Variants in NDST3 observed in about 807,000 individuals in gnomAD.
NDST3 encodes N-deacetylase and N-sulfotransferase 3, also known as bifunctional heparan sulfate N-deacetylase/N-sulfotransferase 3.
NDST3 carries 58 observed loss-of-function variants against 96.1 expected under a neutral mutation model. That is an observed-to-expected ratio of 0.60 (90% CI 0.49 to 0.75). The LOEUF (loss-of-function observed/expected upper bound fraction) is 0.75. NDST3 is among the 30% of genes least tolerant of loss of function. The pLI is 0.00. For synonymous variants in NDST3, 333 were observed against 359.7 expected, an observed-to-expected ratio of 0.93 and a Z score of 0.84; for missense variants, 788 against 1,034.2, an observed-to-expected ratio of 0.76 and a Z score of 3.27.
At chr4:118,109,641 T>C (rs144092410) in intron 3 of NDST3, among the ~76,000 whole-genome samples, 2 of 152,306 alleles carry the variant, frequency 1.3e-5, no homozygotes, top group African/African-American at 4.8e-5. Context: ...TTAGCCAGGG[T>C]TGTCTAAGAC....
intron 2 of NDST3, among the ~76,000 whole-genome samples, chr4:118,079,495 G>A (rs987678947): frequency 7.2e-5 from 11 of 152,174 alleles, no homozygotes; most frequent in African/African-American, 2.7e-4. Flanking sequence ...TATGAAACAA[G>A]CCTGGTGTAA....
chr4:118,047,928 A>G lies in NDST3; in HGVS notation c.-155-5828A>G, dbSNP rs976616876. 3.4e-4 allele frequency among the ~76,000 whole-genome samples: 52 copies of G among 152,196 alleles called. 1 individual carries two copies. Among genetic ancestry groups the G allele is most frequent in the African/African-American group, 1.3e-3 (52 of 41,448 alleles). ...ACCATCCTTAAGGCACACAGTCATCAGATTCACCAAGGTCAATGCAAAAGA... is the reference window on the plus strand; with the variant it reads ...ACCATCCTTAAGGCACACAGTCATCGGATTCACCAAGGTCAATGCAAAAGA... On this transcript the variant is annotated intron_variant, in intron 1 of 13. Transcript: ENST00000296499.
intron 2 of NDST3, among the ~76,000 whole-genome samples, chr4:118,061,114 A>C (rs1279489920): frequency 6.6e-6 from 1 of 152,026 alleles, no homozygotes; most frequent in East Asian, 1.9e-4. Context: ...CAGTGTCTTT[A>C]TCTCTGCTAC....
chr4:118,069,813 C>CCAAT (rs10656718), intron 2 of NDST3, among the ~76,000 whole-genome samples: 114,127 of 151,662 alleles, frequency 0.75, 45,579 homozygotes, highest in South Asian at 0.92. Context: ...TTGTTTTTGA[C>CCAAT]CAGTTATTAT....
chr4:118,214,715 A>G (rs1172966507), intron 6 of NDST3, among the ~76,000 whole-genome samples: 2 of 152,150 alleles, frequency 1.3e-5, no homozygotes, highest in Non-Finnish European at 2.9e-5. Context: ...AAATAGGGAT[A>G]GAGAGGATCC....
intron 2 of NDST3, among the ~76,000 whole-genome samples, chr4:118,057,492 T>G (rs1468893248): frequency 6.6e-6 from 1 of 151,962 alleles, no homozygotes; most frequent in Non-Finnish European, 1.5e-5. Context: ...GATGATCAAA[T>G]GTAGAATATT....
intron 4 of NDST3, among the ~76,000 whole-genome samples, chr4:118,119,673 A>T (rs1198787153): frequency 2.6e-5 from 4 of 152,250 alleles, no homozygotes; most frequent in Non-Finnish European, 5.9e-5. Flanking sequence ...AGAGAAGACT[A>T]AGGGATATAT....
At chr4:118,138,778 A>G (rs1733333616) in intron 5 of NDST3, among the ~76,000 whole-genome samples, 1 of 152,218 alleles carries the variant, frequency 6.6e-6, no homozygotes, top group African/African-American at 2.4e-5. Flanking sequence ...ATCTAATTCT[A>G]TCCTGGGCTT....
chr4:118,087,045 T>C (rs558656509), intron 2 of NDST3, among the ~76,000 whole-genome samples: 5 of 152,144 alleles, frequency 3.3e-5, no homozygotes, highest in African/African-American at 4.8e-5. Flanking sequence ...AGGATATTTT[T>C]AGTTTTTTTT....
intron 5 of NDST3, among the ~76,000 whole-genome samples, chr4:118,142,857 A>G (rs1475859133): frequency 6.6e-6 from 1 of 152,162 alleles, no homozygotes; most frequent in Non-Finnish European, 1.5e-5. Context: ...CAGATAATAC[A>G]TATATACAAA....
rs193155390 is a variant in NDST3, at chr4:118,238,276, A to G, written c.2118+1056A>G. Among the ~76,000 whole-genome samples, 9 of 152,282 alleles carry G rather than the reference A, an allele frequency of 5.9e-5. No homozygotes were observed. The East Asian group carries it at 1.5e-3, about 26-fold the overall frequency. On this transcript the variant is annotated intron_variant, in intron 10 of 13. Coordinates refer to ENST00000296499, the MANE Select transcript of NDST3 (RefSeq NM_004784.3). ...AATTCTACATCCCTGAGAGCCTAAC[A>G]TGTCTAAATGTTTCTTGTATACTCA...
At chr4:118,200,990 A>G (rs1277033207) in intron 6 of NDST3, among the ~76,000 whole-genome samples, 1 of 152,102 alleles carries the variant, frequency 6.6e-6, no homozygotes, top group East Asian at 1.9e-4. Context: ...ATTTATGTCC[A>G]TGTGTTCTCA....
At chr4:118,157,647 C>A (rs539246838) in intron 6 of NDST3, among the ~76,000 whole-genome samples, 25 of 152,094 alleles carry the variant, frequency 1.6e-4, no homozygotes, top group Non-Finnish European at 3.4e-4. Context: ...TGGTCTCGAT[C>A]TCCTGACCTC....
rs564883066 is a variant in NDST3 at position 118,175,636 on chromosome 4, G to A, written c.1539+31952G>A. 3.3e-5 allele frequency among the ~76,000 whole-genome samples: 5 copies of A among 152,170 alleles called. 1 individual carries two copies. Among genetic ancestry groups the A allele is most frequent in the South Asian group, 4.1e-4 (2 of 4,822 alleles). On this transcript the variant is annotated intron_variant, in intron 6 of 13. Transcript: ENST00000296499. The stretch of plus-strand genomic sequence containing the variant: ...TTATCTCGCACACTGGGAGGCACAC[G>A]CCATGGGCCCTCCTTGATAGAGGTG...
chr4:118,239,963 T>C (rs1740906059), intron 10 of NDST3, among the ~76,000 whole-genome samples: 1 of 152,132 alleles, frequency 6.6e-6, no homozygotes, highest in African/African-American at 2.4e-5. Context: ...TACCATTAGA[T>C]AAAATAATCT....
At chr4:118,109,537 C>T (rs1212065686) in intron 3 of NDST3, among the ~76,000 whole-genome samples, 2 of 152,074 alleles carry the variant, frequency 1.3e-5, no homozygotes, top group East Asian at 1.9e-4. Flanking sequence ...GTATCCTCTC[C>T]CTAAGTGAGA....
rs1038823381 is a variant in NDST3, at chr4:118,059,115, A to G, written c.981+4224A>G. On this transcript the variant is annotated intron_variant, in intron 2 of 13. Coordinates refer to ENST00000296499, the MANE Select transcript of NDST3 (RefSeq NM_004784.3). ...TCTTTGATTTCTGTAATAGGTACAC[A>G]TTCCTTTCAAACTTTGAGAAAATTC... 5.3e-4 allele frequency among the ~76,000 whole-genome samples: 81 copies of G among 152,058 alleles called. 1 individual carries two copies. Among genetic ancestry groups the G allele is most frequent in the African/African-American group, 2.0e-3 (81 of 41,414 alleles).
intron 6 of NDST3, among the ~76,000 whole-genome samples, chr4:118,218,749 A>T (rs1739352990): frequency 6.6e-6 from 1 of 152,096 alleles, no homozygotes; most frequent in Non-Finnish European, 1.5e-5. Context: ...AGGAAGTCAA[A>T]TTGTCTCTGT....
chr4:118,110,843 A>G (rs1204963074), intron 3 of NDST3, among the ~76,000 whole-genome samples: 2 of 152,170 alleles, frequency 1.3e-5, no homozygotes, highest in Non-Finnish European at 2.9e-5. Context: ...AAATCATTAT[A>G]CCAAAAAGAC....
Sources: gnomAD v4.1 joint callset for allele counts (sites outside exome capture counted in the v4.1 genomes callset) on GRCh38, gnomAD v4.1.1 for gene constraint, MANE v1.5 for transcripts, NCBI Gene and HGNC (gene_info 2026-07-23, HGNC 2026-07-21) for gene names.